The following HMCN1 variants were observed in gnomAD, a reference collection of about 807,000 sequenced individuals.
The protein encoded by HMCN1 is hemicentin 1.
A neutral mutation model predicts 625.9 loss-of-function variants in HMCN1; 321 were observed. The observed-to-expected ratio is 0.51, with a 90% confidence interval of 0.47 to 0.56. The LOEUF is 0.56. Among genes scored for constraint, HMCN1 ranks in the 20% least tolerant of loss-of-function variants. HMCN1 has a pLI of 0.00. For missense variants in HMCN1, 6,588 were observed against 6,887.3 expected, an observed-to-expected ratio of 0.96 and a Z score of 1.54; for synonymous variants, 2,425 against 2,417.6, an observed-to-expected ratio of 1.00 and a Z score of -0.09.
chr1:186,165,594 G>A (rs1368390476), intron 98 of HMCN1, among the ~76,000 whole-genome samples: 4 of 152,186 alleles, frequency 2.6e-5, no homozygotes, highest in Non-Finnish European at 5.9e-5. Context: ...TATGACTAAT[G>A]ATTAAACCAA....
intron 47 of HMCN1, 107 bp downstream of exon 47, chr1:186,062,071 C>A (rs1036121402): frequency 1.0e-5 from 7 of 685,374 alleles, no homozygotes; most frequent in East Asian, 5.3e-5. Context: ...GTTATTTAGA[C>A]CCTGGACTGT....
chr1:186,060,803 C>T (rs1050118200), intron 46 of HMCN1, among the ~76,000 whole-genome samples: 3 of 151,956 alleles, frequency 2.0e-5, no homozygotes, highest in Admixed American at 2.0e-4. Context: ...TGATGTCACC[C>T]AAATCTGGGT....
At chr1:185,845,990 A>G (rs1320987707) in intron 1 of HMCN1, 36 bp from the exon 2 acceptor site, 7 of 1,331,250 alleles carry the variant, frequency 5.3e-6, no homozygotes, top group African/African-American at 1.4e-5. Flanking sequence ...GCCATTGATT[A>G]CTGTTTATTG....
chr1:186,188,087 T>C, intron 106 of HMCN1, 78 bp downstream of exon 106: 2 of 1,537,348 alleles, frequency 1.3e-6, no homozygotes, highest in Non-Finnish European at 1.8e-6. Flanking sequence ...AACTTTAGTC[T>C]CTTGTCATGT....
At chr1:185,970,685 G>T (rs1210066923) in intron 15 of HMCN1, among the ~76,000 whole-genome samples, 192 bp downstream of exon 15, 1 of 151,222 alleles carries the variant, frequency 6.6e-6, no homozygotes, top group Non-Finnish European at 1.5e-5. Flanking sequence ...TTGATACGGA[G>T]TCTCACTCTG....
Position 186,023,120 on chromosome 1 carries a change from G to C in HMCN1, c.5716G>C (p.Glu1906Gln). ...ATGTGTGGCTACCAACGCAGCTGGAGAAACACAACAGCACATTCAACTGCA... is the reference window on the plus strand; with the variant it reads ...ATGTGTGGCTACCAACGCAGCTGGACAAACACAACAGCACATTCAACTGCA... ...YTCVATNAAGETQQHIQLHVH... is the reference protein window; with the variant it reads ...YTCVATNAAGQTQQHIQLHVH... Residue 1906 changes from glutamate (E) to glutamine (Q), a missense_variant, in exon 36 of 107, where the codon GAA becomes CAA. Glu to Gln is a conservative substitution (Grantham distance 29). This residue lies in a region of HMCN1 where 4,628 missense variants were observed against 4,853.1 expected (regional missense o/e 0.95). Transcript: ENST00000271588. The C allele has an allele frequency of 6.2e-7, 1 of 1,613,326 alleles. No homozygotes were observed.
At chr1:185,835,769 A>G (rs1426596481) in intron 1 of HMCN1, among the ~76,000 whole-genome samples, 3 of 152,118 alleles carry the variant, frequency 2.0e-5, no homozygotes, top group Non-Finnish European at 4.4e-5. Context: ...AAAAAGCAAG[A>G]CAGACATTTG....
intron 1 of HMCN1, among the ~76,000 whole-genome samples, chr1:185,769,182 T>G (rs1656065220): frequency 6.6e-6 from 1 of 152,130 alleles, no homozygotes; most frequent in Non-Finnish European, 1.5e-5. Context: ...GTGCAGTGGC[T>G]CACACCTGTA....
At position 185,908,671 on chromosome 1, in the gene HMCN1, A is replaced by G. The variant is rs74134384; in HGVS notation, c.622-666A>G. On this transcript the variant is annotated intron_variant, in intron 4 of 106. Transcript: ENST00000271588. ...TTTAAAGACTATTTTTCAAGAATAC[A>G]CTACTTGGTATTAAATTCTAACCTG... is the stretch of plus-strand genomic sequence containing the variant. 7.6e-3 allele frequency among the ~76,000 whole-genome samples: 1,158 copies of G among 151,934 alleles called. 14 individuals carry two copies. The highest frequency in any genetic ancestry group is 0.025 in the African/African-American group (1,040 of 41,528).
intron 95 of HMCN1, 93 bp from the exon 96 acceptor site, chr1:186,152,657 A>G: frequency 6.6e-7 from 1 of 1,506,714 alleles, no homozygotes; most frequent in Non-Finnish European, 9.2e-7. Flanking sequence ...GAACTCAAAA[A>G]GCATAGCTGA....
In HMCN1 at chr1:186,076,280, G is replaced by C. The variant is rs554285114; in HGVS notation, c.8291-148G>C. 20 of 784,666 alleles carry C rather than the reference G, an allele frequency of 2.5e-5. No individual in the cohort carries two copies. The East Asian group carries it at 4.9e-4, about 19-fold the overall frequency. The allele number at this position is 784,666 out of a possible 1,614,324, so 48.6% of individuals were successfully genotyped here. A position where few individuals can be genotyped will look rare whatever the true frequency, so the allele number is the denominator to read the frequency against. ...TTTCGTGTACTACTTTTTTGGCTAAGGGCTAGAGTTGGTGGTGGCGTCAGT... is the reference window on the plus strand; with the variant it reads ...TTTCGTGTACTACTTTTTTGGCTAACGGCTAGAGTTGGTGGTGGCGTCAGT... On this transcript the variant is annotated intron_variant, in intron 53 of 106. Coordinates refer to ENST00000271588, the MANE Select transcript of HMCN1 (RefSeq NM_031935.3).
At chr1:186,145,309 G>T (rs12133166) in intron 91 of HMCN1, 94 bp from the exon 92 acceptor site, 125,592 of 1,276,114 alleles carry the variant, frequency 0.098, 6,523 homozygotes, top group African/African-American at 0.13. Context: ...GCTGAGAAGA[G>T]ACTTTTTTTT....
At chr1:186,165,704 T>C (rs1004540194) in intron 98 of HMCN1, among the ~76,000 whole-genome samples, 1 of 152,210 alleles carries the variant, frequency 6.6e-6, no homozygotes, top group African/African-American at 2.4e-5. Flanking sequence ...TTTCTTTCAT[T>C]GGTAGGCAAT....
At chr1:185,986,420 G>T (rs1652003075) in intron 19 of HMCN1, among the ~76,000 whole-genome samples, 1 of 152,160 alleles carries the variant, frequency 6.6e-6, no homozygotes, top group Admixed American at 6.5e-5. Flanking sequence ...GGAAACGCCT[G>T]TTATAGATTG....
intron 97 of HMCN1, among the ~76,000 whole-genome samples, chr1:186,155,256 A>AT (rs1477345174): frequency 6.6e-6 from 1 of 152,180 alleles, no homozygotes; most frequent in African/African-American, 2.4e-5. Context: ...ACAAGCACAC[A>AT]TTTTTTGAGG....
chr1:185,797,858 T>A (rs920389084), intron 1 of HMCN1, among the ~76,000 whole-genome samples: 1 of 131,946 alleles, frequency 7.6e-6, no homozygotes, highest in Non-Finnish European at 1.5e-5. Context: ...CCCAGCTACT[T>A]GGGAGGCTGA....
At chr1:185,762,894 G>A (rs1357539762) in intron 1 of HMCN1, among the ~76,000 whole-genome samples, 2 of 152,240 alleles carry the variant, frequency 1.3e-5, no homozygotes, top group Non-Finnish European at 2.9e-5. Flanking sequence ...TTTGTCCAAT[G>A]CTATTGTCCA....
intron 96 of HMCN1, 44 bp downstream of exon 96, chr1:186,152,915 T>C: frequency 1.2e-6 from 2 of 1,610,824 alleles, no homozygotes; most frequent in Middle Eastern, 1.7e-4. Flanking sequence ...ATTAGAGTAA[T>C]GATGAGTGAA....
chr1:186,041,003 C>G lies in HMCN1; in HGVS notation c.6181-10C>G, dbSNP rs1297835053. On this transcript the variant is annotated splice_polypyrimidine_tract_variant and intron_variant, in intron 39 of 106. Transcript: ENST00000271588. ...ACATATTGGTTATTTAGCGTTCTTA[C>G]CATTGATAGGTTCTCTCTGGTGGTC... 1 of 1,612,360 alleles carries G rather than the reference C, an allele frequency of 6.2e-7. No homozygotes were observed. Among genetic ancestry groups the G allele is most frequent in the African/African-American group, 1.3e-5 (1 of 74,846 alleles).
Sources: gnomAD v4.1 joint callset for allele counts (sites outside exome capture counted in the v4.1 genomes callset) on GRCh38, gnomAD v4.1.1 for gene constraint, gnomAD v4.1.1 regional missense constraint, MANE v1.5 for transcripts, NCBI Gene and HGNC (gene_info 2026-07-23, HGNC 2026-07-21) for gene names.